ANGPTL6: variants seen among roughly 807,000 people sequenced by gnomAD.
ANGPTL6 encodes angiopoietin like 6, also known as angiopoietin-related protein 6.
Under a neutral mutation model 47.4 loss-of-function variants are expected in ANGPTL6, and 45 were observed. The observed-to-expected ratio is 0.95, with a 90% CI of 0.75 to 1.22. ANGPTL6 has a LOEUF of 1.22. Among genes scored for constraint, ANGPTL6 ranks in the 50% most tolerant of loss-of-function variants. The pLI is 0.00. For synonymous variants in ANGPTL6, 290 were observed against 295.9 expected, an observed-to-expected ratio of 0.98 and a Z score of 0.20; for missense variants, 698 against 669.4, an observed-to-expected ratio of 1.04 and a Z score of -0.47.
chr19:10,104,081 C>CAAAAAAAA (rs33948028), upstream of ANGPTL6, among the ~76,000 whole-genome samples: 5 of 74,154 alleles, frequency 6.7e-5, no homozygotes, highest in Non-Finnish European at 1.3e-4. Context: ...GACTCTGTCT[C>CAAAAAAAA]AAAAAAAAAA....
chr19:10,092,577 A>G lies in ANGPTL6; in HGVS notation c.*12T>C. The G allele has an allele frequency of 1.3e-6, 2 of 1,595,458 alleles. No homozygotes were observed. Among genetic ancestry groups the G allele is most frequent in the Non-Finnish European group, 1.7e-6 (2 of 1,167,468 alleles). ...ATGTCCTCTAGGGCCTAGGGGACAG[A>G]GGAACACAGAGTCACAGCTTCAGGG... On this transcript the variant is annotated 3_prime_UTR_variant, in exon 6 of 6. Transcript: ENST00000253109.
intron 3 of ANGPTL6, among the ~76,000 whole-genome samples, chr19:10,094,096 T>A (rs2088467751): frequency 6.6e-6 from 1 of 152,152 alleles, no homozygotes; most frequent in South Asian, 2.1e-4. Context: ...AGCCATTTCT[T>A]TACCTAAGAA....
At chr19:10,094,504 G>A (rs1012201482) in intron 3 of ANGPTL6, 4 of 537,710 alleles carry the variant, frequency 7.4e-6, no homozygotes, top group African/African-American at 5.7e-5. Context: ...TATAAGTCCT[G>A]AATATGATAC....
In ANGPTL6 at chr19:10,092,371, T is replaced by C; in HGVS notation, c.*218A>G. ...CTTTGTGTTATTATAAGATATGAGC[T>C]CAAACCGAGATATGAATGACCTTGG... On this transcript the variant is annotated 3_prime_UTR_variant, in exon 6 of 6. Transcript: ENST00000253109. 1 of 1,532,342 alleles carries C rather than the reference T, an allele frequency of 6.5e-7. No homozygotes were observed. Among genetic ancestry groups the C allele is most frequent in the South Asian group, 1.2e-5 (1 of 81,798 alleles). The allele number at this position is 1,532,342 out of a possible 1,614,324, so 94.9% of individuals were successfully genotyped here.
At chr19:10,100,855 A>G (rs1192646072) in intron 1 of ANGPTL6, among the ~76,000 whole-genome samples, 1 of 152,106 alleles carries the variant, frequency 6.6e-6, no homozygotes, top group Non-Finnish European at 1.5e-5. Context: ...TTAATAGAGG[A>G]GTCAGGACTG....
At position 10,096,326 on chromosome 19, in the gene ANGPTL6, G is replaced by A. The variant is rs1395160426; in HGVS notation, c.238C>T (p.Gln80Ter). The change falls in exon 2 of 6, where the codon CAG becomes TAG. Residue 80 changes from glutamine (Q) to a stop codon, truncating the protein, a stop_gained. Transcript: ENST00000253109. LOFTEE classifies it high-confidence loss of function. ...GCGCCGTCGGCCGCCGCCAGCCTCT[G>A]CAGCTCGCGTAACAGCTCCTCGTGG... The part of the protein sequence containing the change: ...GRHEELLREL[Q>*]RLAAADGAVA... 9 of 1,279,848 alleles carry A rather than the reference G, an allele frequency of 7.0e-6. No individual in the cohort carries two copies. The East Asian group carries it at 1.9e-4, about 27-fold the overall frequency. The allele number at this position is 1,279,848 out of a possible 1,614,324, so 79.3% of individuals were successfully genotyped here. A position where few individuals can be genotyped will look rare whatever the true frequency, so the allele number is the denominator to read the frequency against.
chr19:10,097,980 C>T (rs1435349132), intron 1 of ANGPTL6, among the ~76,000 whole-genome samples: 4 of 139,616 alleles, frequency 2.9e-5, no homozygotes, highest in Admixed American at 7.5e-5. Flanking sequence ...CCAGACTGGG[C>T]AACGTATCCA....
chr19:10,092,952 C>A, intron 5 of ANGPTL6, 173 bp from the exon 6 acceptor site: 1 of 545,228 alleles, frequency 1.8e-6, no homozygotes. Flanking sequence ...CCCCAACTTT[C>A]TTCAGAGTAA....
At position 10,096,383 on chromosome 19, in the gene ANGPTL6, C is replaced by T. The variant is rs1271324087; in HGVS notation, c.181G>A (p.Glu61Lys). 4 of 1,301,040 alleles carry T rather than the reference C, an allele frequency of 3.1e-6. No homozygotes were observed. In the East Asian group the frequency reaches 9.4e-5, roughly 30 times the overall value. 80.6% of individuals were successfully genotyped at this position (1,301,040 alleles called of 1,614,324 possible). The change falls in exon 2 of 6, where the codon GAG becomes AAG. Residue 61 changes from glutamate (E) to lysine (K), a missense_variant. Physicochemically the swap from Glu to Lys is moderately conservative, Grantham distance 56 (BLOSUM62 1). Coordinates refer to ENST00000253109, the MANE Select transcript of ANGPTL6 (RefSeq NM_031917.3). ...RATPEAANAS[E>K]LAALRMRVGR... ...ACGCGCATGCGCAGCGCCGCCAGCT[C>T]GCTGGCGTTGGCGGCCTCGGGCGTC...
intron 1 of ANGPTL6, 141 bp from the exon 2 acceptor site, chr19:10,096,714 C>T (rs74178192): frequency 1.6e-6 from 1 of 628,636 alleles, no homozygotes; most frequent in African/African-American, 2.0e-5. Flanking sequence ...CCCCCCACGG[C>T]TGGAGGGCCC....
At position 10,093,394 on chromosome 19, in the gene ANGPTL6, C is replaced by T; in HGVS notation, c.1177G>A (p.Asp393Asn). The T allele has an allele frequency of 6.2e-7, 1 of 1,614,146 alleles. No homozygotes were observed. Among genetic ancestry groups the T allele is most frequent in the Non-Finnish European group, 8.5e-7 (1 of 1,180,022 alleles). The change falls in exon 5 of 6, where the codon GAC (aspartate) becomes AAC (asparagine). Residue 393 changes from aspartate (D) to asparagine (N), a missense_variant. Coordinates refer to ENST00000253109, the MANE Select transcript of ANGPTL6 (RefSeq NM_031917.3). ...DAGDSLSWHN[D>N]KPFSTVDRDR... ...CTATCCACGGTGCTGAAGGGCTTGTCATTGTGCCAGGAAAGAGAGTCTCCA... is the reference window on the plus strand; with the variant it reads ...CTATCCACGGTGCTGAAGGGCTTGTTATTGTGCCAGGAAAGAGAGTCTCCA...
Position 10,093,373 on chromosome 19 carries a change from C to A in ANGPTL6, c.1198G>T (p.Asp400Tyr). Residue 400 changes from aspartate to tyrosine, a missense_variant, in exon 5 of 6, where the codon GAT (aspartate) becomes TAT (tyrosine). Transcript: ENST00000253109. The stretch of plus-strand genomic sequence containing the variant: ...CCAGAATAGGAGTCTCGGTCCCTAT[C>A]CACGGTGCTGAAGGGCTTGTCATTG... ...WHNDKPFSTV[D>Y]RDRDSYSGNC... The A allele has an allele frequency of 6.2e-7, 1 of 1,613,910 alleles. No homozygotes were observed. Among genetic ancestry groups the A allele is most frequent in the Non-Finnish European group, 8.5e-7 (1 of 1,179,814 alleles).
At chr19:10,101,748 T>G (rs896199814) in intron 1 of ANGPTL6, among the ~76,000 whole-genome samples, 8 of 146,628 alleles carry the variant, frequency 5.5e-5, no homozygotes, top group Admixed American at 1.4e-4. Context: ...GAGGCCGATG[T>G]TGCAGTGAGC....
intron 1 of ANGPTL6, 163 bp from the exon 2 acceptor site, chr19:10,096,736 C>T: frequency 1.9e-6 from 1 of 523,356 alleles, no homozygotes; most frequent in Non-Finnish European, 3.3e-6. Flanking sequence ...AGGGTGATCC[C>T]ACTCTGGCTT....
At chr19:10,094,643 CAGAAT>C (rs2088484549) in intron 3 of ANGPTL6, 110 bp downstream of exon 3, 5 of 1,277,818 alleles carry the variant, frequency 3.9e-6, no homozygotes, top group Non-Finnish European at 5.6e-6. Context: ...TATTTTTAAT[CAGAAT>C]AGGAGTATCA....
intron 1 of ANGPTL6, 70 bp from the exon 2 acceptor site, chr19:10,096,643 G>A: frequency 8.3e-7 from 1 of 1,210,968 alleles, no homozygotes; most frequent in Non-Finnish European, 1.1e-6. Context: ...GCTTCCACGC[G>A]GGGATGCGCG....
At chr19:10,101,707 A>T (rs1296920135) in intron 1 of ANGPTL6, among the ~76,000 whole-genome samples, 1 of 147,990 alleles carries the variant, frequency 6.8e-6, no homozygotes, top group Non-Finnish European at 1.5e-5. Context: ...ACTACTCAGG[A>T]GGCTGAGGTG....
intron 1 of ANGPTL6, 35 bp from the exon 2 acceptor site, chr19:10,096,608 T>G (rs1192205317): frequency 1.4e-6 from 2 of 1,435,742 alleles, no homozygotes; most frequent in Non-Finnish European, 9.1e-7. Flanking sequence ...GAAGACGGGG[T>G]GCTGGGGCCC....
In ANGPTL6 at chr19:10,096,086, G is replaced by T; in HGVS notation, c.478C>A (p.Leu160Met). ...GCCAGCTCGCGGAACTTGACGTCCAGCTGGTGGAACCGGGCGGCTGCGCGC... is the reference window on the plus strand; with the variant it reads ...GCCAGCTCGCGGAACTTGACGTCCATCTGGTGGAACCGGGCGGCTGCGCGC... Reference protein sequence around the residue: ...AQRAAARFHQLDVKFRELAQL... With the variant: ...AQRAAARFHQMDVKFRELAQL... Residue 160 changes from leucine to methionine, a missense_variant, in exon 2 of 6, where the codon CTG (leucine) becomes ATG (methionine). Transcript: ENST00000253109. The T allele has an allele frequency of 6.7e-7, 1 of 1,494,816 alleles. No individual in the cohort carries two copies. Among genetic ancestry groups the T allele is most frequent in the Non-Finnish European group, 8.9e-7 (1 of 1,124,424 alleles). The allele number at this position is 1,494,816 out of a possible 1,614,324, so 92.6% of individuals were successfully genotyped here.
Sources: gnomAD v4.1 joint callset for allele counts (sites outside exome capture counted in the v4.1 genomes callset) on GRCh38, gnomAD v4.1.1 for gene constraint, MANE v1.5 for transcripts, NCBI Gene and HGNC (gene_info 2026-07-23, HGNC 2026-07-21) for gene names.